Variants in PHF20 observed in about 807,000 individuals in gnomAD.
The protein encoded by PHF20 is PHD finger protein 20, also known as glioma-expressed antigen 2.
Under a neutral mutation model 113.5 loss-of-function variants are expected in PHF20, and 23 were observed. The ratio of observed to expected loss-of-function variants is 0.20; its 90% CI spans 0.15 to 0.29. The LOEUF is 0.29. Ranked by LOEUF, PHF20 falls within the 10% of genes least tolerant of loss-of-function variation. The pLI is 1.00. For synonymous variants in PHF20, 434 were observed against 457.3 expected, an observed-to-expected ratio of 0.95 and a Z score of 0.65; for missense variants, 943 against 1,219.6, an observed-to-expected ratio of 0.77 and a Z score of 3.38.
At chr20:35,851,294 C>A (rs1362773533) in intron 4 of PHF20, among the ~76,000 whole-genome samples, 1 of 152,108 alleles carries the variant, frequency 6.6e-6, no homozygotes, top group African/African-American at 2.4e-5. Context: ...TGGGTCATGT[C>A]CCCTACCTAC....
At chr20:35,783,985 T>C (rs6060598) in intron 1 of PHF20, among the ~76,000 whole-genome samples, 150,162 of 152,080 alleles carry the variant, frequency 0.99, 74,163 homozygotes, top group Middle Eastern at 1. Flanking sequence ...AACTCCGTCT[T>C]AAAACAAAAC....
intron 2 of PHF20, among the ~76,000 whole-genome samples, chr20:35,809,252 G>GA (rs1180600866): frequency 1.3e-4 from 19 of 144,780 alleles, no homozygotes; most frequent in East Asian, 4.1e-4. Context: ...TGTCTTGGAA[G>GA]AAAAAAAAAA....
At chr20:35,774,145 C>T (rs937003583) in intron 1 of PHF20, among the ~76,000 whole-genome samples, 2 of 151,338 alleles carry the variant, frequency 1.3e-5, no homozygotes, top group African/African-American at 2.4e-5. Flanking sequence ...TGCAGTGGCG[C>T]GATCTCGGCT....
chr20:35,876,336 C>T (rs6058340), intron 9 of PHF20, among the ~76,000 whole-genome samples: 14,788 of 151,908 alleles, frequency 0.097, 775 homozygotes, highest in South Asian at 0.15. Flanking sequence ...TTTGGGAGGC[C>T]GAGGTGGGCA....
At chr20:35,776,672 C>G (rs1325401709) in intron 1 of PHF20, among the ~76,000 whole-genome samples, 1 of 152,188 alleles carries the variant, frequency 6.6e-6, no homozygotes, top group African/African-American at 2.4e-5. Flanking sequence ...ACCTGAATGA[C>G]TAGACTATTT....
chr20:35,818,330 T>C (rs2042112016), intron 2 of PHF20, among the ~76,000 whole-genome samples: 1 of 152,156 alleles, frequency 6.6e-6, no homozygotes, highest in South Asian at 2.1e-4. Flanking sequence ...GAAGGATTGC[T>C]TGAGCCTGAG....
intron 2 of PHF20, among the ~76,000 whole-genome samples, chr20:35,833,292 G>A (rs956847224): frequency 4.6e-5 from 7 of 151,912 alleles, no homozygotes; most frequent in Admixed American, 6.6e-5. Context: ...AGCTTATTAC[G>A]GTAACCTTAT....
At chr20:35,794,114 A>C (rs1461372484) in intron 1 of PHF20, among the ~76,000 whole-genome samples, 1 of 151,726 alleles carries the variant, frequency 6.6e-6, no homozygotes, top group Non-Finnish European at 1.5e-5. Context: ...CAGCCTGACC[A>C]ATATGGAGAA....
Position 35,914,017 on chromosome 20 carries a change from G to A in PHF20, c.1661-16G>A. On this transcript the variant is annotated splice_polypyrimidine_tract_variant and intron_variant, in intron 11 of 17. Coordinates refer to ENST00000374012, the MANE Select transcript of PHF20 (RefSeq NM_016436.5). ...TAACTAGGGTTATTCATTCCTTCCT[G>A]ATCCTGTTCTTCCAGAATGCCCCTG... The A allele has an allele frequency of 6.2e-7, 1 of 1,613,494 alleles. No individual in the cohort carries two copies. The highest frequency in any genetic ancestry group is 1.1e-5 in the South Asian group (1 of 91,044).
chr20:35,902,445 A>G (rs2055115162), intron 10 of PHF20, among the ~76,000 whole-genome samples: 1 of 152,224 alleles, frequency 6.6e-6, no homozygotes, highest in African/African-American at 2.4e-5. Flanking sequence ...TGAGGGACCC[A>G]TGGAAGTCCT....
chr20:35,788,865 A>G (rs2041480075), intron 1 of PHF20, among the ~76,000 whole-genome samples: 1 of 152,150 alleles, frequency 6.6e-6, no homozygotes, highest in African/African-American at 2.4e-5. Flanking sequence ...GTGAGCCACC[A>G]CGCCTGGCCA....
chr20:35,869,429 A>AC lies in PHF20; in HGVS notation c.809-8dup. 1 of 1,440,040 alleles carries AC rather than the reference A, an allele frequency of 6.9e-7. No homozygotes were observed. The highest frequency in any genetic ancestry group is 9.7e-7 in the Non-Finnish European group (1 of 1,035,864). 89.2% of individuals were successfully genotyped at this position (1,440,040 alleles called of 1,614,324 possible). A position where few individuals can be genotyped will look rare whatever the true frequency, so the allele number is the denominator to read the frequency against. Reference sequence around the variant, plus strand: ...TATCTTTTTTTGTGTGGTTTTATAAACATGGTAGCTGTGGATTCAAACTCT... The same window carrying AC: ...TATCTTTTTTTGTGTGGTTTTATAAACCATGGTAGCTGTGGATTCAAACTCT... On this transcript the variant is annotated splice_polypyrimidine_tract_variant and intron_variant, in intron 6 of 17. Coordinates refer to ENST00000374012, the MANE Select transcript of PHF20 (RefSeq NM_016436.5).
At chr20:35,855,198 G>A in intron 4 of PHF20, 1 of 1,215,496 alleles carries the variant, frequency 8.2e-7, no homozygotes, top group South Asian at 1.4e-5. Flanking sequence ...AGAGGGTTCT[G>A]TTTAGAATTC....
intron 1 of PHF20, among the ~76,000 whole-genome samples, chr20:35,799,667 C>CT (rs112431805): frequency 0.049 from 7,183 of 146,784 alleles, 203 homozygotes; most frequent in African/African-American, 0.09. Flanking sequence ...AAGAAGTGTT[C>CT]TTTTTTTTTT....
At chr20:35,882,473 G>A (rs1291783986) in intron 9 of PHF20, among the ~76,000 whole-genome samples, 1 of 152,136 alleles carries the variant, frequency 6.6e-6, no homozygotes, top group Non-Finnish European at 1.5e-5. Flanking sequence ...TGTCATCCAG[G>A]CTGGAGTGTA....
intron 9 of PHF20, among the ~76,000 whole-genome samples, chr20:35,896,369 A>C (rs1253786681): frequency 6.6e-6 from 1 of 152,026 alleles, no homozygotes; most frequent in Non-Finnish European, 1.5e-5. Flanking sequence ...TGCATACCGA[A>C]TTCCTAATTT....
chr20:35,785,973 A>G (rs1272689916), intron 1 of PHF20, among the ~76,000 whole-genome samples: 1 of 149,290 alleles, frequency 6.7e-6, no homozygotes, highest in African/African-American at 2.5e-5. Flanking sequence ...CGGAGGTTGC[A>G]GTGAGCTGAG....
chr20:35,842,763 A>T lies in PHF20; in HGVS notation c.255+19A>T, dbSNP rs1367480048. The T allele has an allele frequency of 1.9e-6, 3 of 1,610,678 alleles. No individual in the cohort carries two copies. Among genetic ancestry groups the T allele is most frequent in the Non-Finnish European group, 2.5e-6 (3 of 1,178,074 alleles). ...ATCTTCTGTGAGTAACAAATCTGGGAAGTTCTGTAGTATGCAAGGTCAGCC... is the reference window on the plus strand; with the variant it reads ...ATCTTCTGTGAGTAACAAATCTGGGTAGTTCTGTAGTATGCAAGGTCAGCC... On this transcript the variant is annotated intron_variant, in intron 3 of 17. Coordinates refer to ENST00000374012, the MANE Select transcript of PHF20 (RefSeq NM_016436.5).
At chr20:35,938,309 G>C (rs942344734) in intron 15 of PHF20, among the ~76,000 whole-genome samples, 3 of 152,174 alleles carry the variant, frequency 2.0e-5, no homozygotes, top group African/African-American at 7.2e-5. Flanking sequence ...GCCAAGAGGA[G>C]GGGTCCATTC....
Sources: allele counts gnomAD v4.1 joint callset (sites outside exome capture counted in the v4.1 genomes callset), GRCh38; gene constraint gnomAD v4.1.1; transcripts MANE v1.5; gene names NCBI Gene and HGNC (gene_info 2026-07-23, HGNC 2026-07-21).